DNAH5: variants seen among roughly 807,000 people sequenced by gnomAD.
DNAH5 encodes dynein axonemal heavy chain 5, also known as axonemal beta dynein heavy chain 5.
In DNAH5, 372 loss-of-function variants were observed where a neutral mutation model predicts 518.2. The observed-to-expected ratio is 0.72, with a 90% confidence interval of 0.66 to 0.78. The LOEUF (loss-of-function observed/expected upper bound fraction) is 0.78, where lower values mean the gene tolerates loss of function less well. Among genes scored for constraint, DNAH5 ranks in the 30% least tolerant of loss-of-function variants. The pLI is 0.00. For missense variants in DNAH5, 5,523 were observed against 5,687.0 expected (o/e 0.97, Z 0.93); for synonymous variants, 2,039 against 2,025.9 (o/e 1.01, Z -0.17).
intron 46 of DNAH5, among the ~76,000 whole-genome samples, chr5:13,808,625 A>G (rs1760058440): frequency 6.6e-6 from 1 of 152,246 alleles, no homozygotes; most frequent in Admixed American, 6.5e-5. Context: ...ATTTTCGTGT[A>G]TTCTAAACTG....
intron 32 of DNAH5, among the ~76,000 whole-genome samples, chr5:13,844,102 T>G (rs1024585424): frequency 5.3e-5 from 8 of 152,206 alleles, no homozygotes; most frequent in Non-Finnish European, 1.0e-4. Flanking sequence ...GGCTACTTGT[T>G]TACTTCCCTG....
At chr5:13,818,587 G>A (rs1761789528) in intron 41 of DNAH5, among the ~76,000 whole-genome samples, 1 of 152,212 alleles carries the variant, frequency 6.6e-6, no homozygotes. Context: ...AGCCTCGGAT[G>A]AAGTAGCACC....
At chr5:13,845,084 AT>A (rs745478016) in intron 31 of DNAH5, 91 bp from the exon 32 acceptor site, 34 of 1,244,918 alleles carry the variant, frequency 2.7e-5, no homozygotes, top group Admixed American at 3.9e-5. Context: ...AGGGGAGAAG[AT>A]TGTGTGACTT....
At chr5:13,766,703 G>C (rs780336292) in intron 58 of DNAH5, among the ~76,000 whole-genome samples, 1 of 152,132 alleles carries the variant, frequency 6.6e-6, no homozygotes, top group East Asian at 1.9e-4. Flanking sequence ...TTTAAATGAC[G>C]GGACTTGAGC....
intron 43 of DNAH5, among the ~76,000 whole-genome samples, chr5:13,812,035 C>A (rs1394641711): frequency 6.6e-6 from 1 of 152,112 alleles, no homozygotes; most frequent in Non-Finnish European, 1.5e-5. Flanking sequence ...TGTTATTATC[C>A]TCCTTTTACA....
At chr5:13,998,142 C>A (rs904141689) in intron 1 of DNAH5, among the ~76,000 whole-genome samples, 6 of 152,140 alleles carry the variant, frequency 3.9e-5, no homozygotes, top group Admixed American at 3.3e-4. Context: ...CCATGCCTGG[C>A]CTATTTCTCA....
At position 13,900,194 on chromosome 5, in the gene DNAH5, A is replaced by G. The variant is rs1287171547; in HGVS notation, c.2259+12T>C. ...TAGCCAAGAATGGGGGGAAAAAATAAAAGTAGTATACCTTCATGTTACTGA... is the reference window on the plus strand; with the variant it reads ...TAGCCAAGAATGGGGGGAAAAAATAGAAGTAGTATACCTTCATGTTACTGA... On this transcript the variant is annotated intron_variant, in intron 15 of 78. Coordinates refer to ENST00000265104, the MANE Select transcript of DNAH5 (RefSeq NM_001369.3). The G allele has an allele frequency of 6.2e-7, 1 of 1,606,088 alleles. No individual in the cohort carries two copies. Among genetic ancestry groups the G allele is most frequent in the East Asian group, 2.2e-5 (1 of 44,808 alleles).
chr5:13,728,650 G>C (rs1746092848), intron 69 of DNAH5, among the ~76,000 whole-genome samples: 1 of 152,132 alleles, frequency 6.6e-6, no homozygotes, highest in Non-Finnish European at 1.5e-5. Context: ...CCAGTGATAA[G>C]CCAAAACATA....
Position 13,919,285 on chromosome 5 carries a change from T to A in DNAH5, c.866A>T (p.His289Leu). ...AAACTTGGAGAGTCTTTTTTTCCAG[T>A]GCTCCAGCTCCGCTCGTGGCCCAAC... ...DDVGPRAELEHWKKRLSKFNY... is the reference protein window; with the variant it reads ...DDVGPRAELELWKKRLSKFNY... The change falls in exon 7 of 79, where the codon CAC becomes CTC. Residue 289 changes from histidine to leucine, a missense_variant. Coordinates refer to ENST00000265104, the MANE Select transcript of DNAH5 (RefSeq NM_001369.3). The A allele has an allele frequency of 6.2e-7, 1 of 1,614,198 alleles. No individual in the cohort carries two copies. Among genetic ancestry groups the A allele is most frequent in the South Asian group, 1.1e-5 (1 of 91,086 alleles).
intron 12 of DNAH5, among the ~76,000 whole-genome samples, chr5:13,910,685 C>T (rs4631176): frequency 5.9e-5 from 9 of 151,880 alleles, no homozygotes; most frequent in Non-Finnish European, 1.0e-4. Context: ...AAACATTCCC[C>T]GTGACCCAGT....
At chr5:13,873,541 A>G (rs1770440304) in intron 22 of DNAH5, among the ~76,000 whole-genome samples, 1 of 152,102 alleles carries the variant, frequency 6.6e-6, no homozygotes, top group South Asian at 2.1e-4. Context: ...TCCATTGGTG[A>G]CTAACTTAAC....
intron 55 of DNAH5, among the ~76,000 whole-genome samples, chr5:13,773,024 G>T (rs2126794466): frequency 6.6e-6 from 1 of 152,272 alleles, no homozygotes; most frequent in Non-Finnish European, 1.5e-5. Flanking sequence ...ATAACACTAG[G>T]CAGGTTAGTA....
intron 35 of DNAH5, among the ~76,000 whole-genome samples, chr5:13,837,692 CTTTTTTTTTTT>C (rs534618242): frequency 6.8e-4 from 65 of 95,142 alleles, no homozygotes; most frequent in African/African-American, 2.5e-3. Flanking sequence ...GGGAACTCCA[CTTTTTTTTTTT>C]TTTTTTTTTT....
At chr5:13,732,526 C>G (rs1249767202) in intron 68 of DNAH5, among the ~76,000 whole-genome samples, 1 of 152,142 alleles carries the variant, frequency 6.6e-6, no homozygotes, top group Non-Finnish European at 1.5e-5. Context: ...GCCACCACTC[C>G]TGGCTAATTT....
At chr5:13,864,780 G>C in intron 27 of DNAH5, 143 bp from the exon 28 acceptor site, 3 of 899,534 alleles carry the variant, frequency 3.3e-6, no homozygotes, top group Non-Finnish European at 1.8e-6. Flanking sequence ...CAGGCTGTCT[G>C]TTCATATAAT....
chr5:13,739,577 A>G (rs559120455), intron 65 of DNAH5, among the ~76,000 whole-genome samples: 1 of 152,182 alleles, frequency 6.6e-6, no homozygotes, highest in Admixed American at 6.6e-5. Context: ...TATAGATTCT[A>G]CTCCCTATTG....
intron 1 of DNAH5, among the ~76,000 whole-genome samples, chr5:13,992,256 C>T (rs979836277): frequency 1.3e-5 from 2 of 152,178 alleles, no homozygotes; most frequent in African/African-American, 2.4e-5. Context: ...CTTCCATCTC[C>T]TCCACAAGCA....
chr5:13,966,847 G>T (rs919718265), intron 1 of DNAH5, among the ~76,000 whole-genome samples: 3 of 151,996 alleles, frequency 2.0e-5, no homozygotes, highest in Non-Finnish European at 2.9e-5. Flanking sequence ...CTAAAGCATT[G>T]TTTTTTGTTT....
chr5:13,713,412 G>C (rs1325080151), intron 75 of DNAH5, among the ~76,000 whole-genome samples: 4 of 52,306 alleles, frequency 7.6e-5, no homozygotes, highest in Non-Finnish European at 1.1e-4. Context: ...TATATACACC[G>C]ACATATATAT....
Sources: gnomAD v4.1 joint callset for allele counts (sites outside exome capture counted in the v4.1 genomes callset) on GRCh38, gnomAD v4.1.1 for gene constraint, MANE v1.5 for transcripts, NCBI Gene and HGNC (gene_info 2026-07-23, HGNC 2026-07-21) for gene names.